Variants in MYO18B observed in about 807,000 individuals in gnomAD.
MYO18B encodes the protein unconventional myosin-XVIIIb.
A neutral mutation model predicts 273.0 loss-of-function variants in MYO18B; 204 were observed. The observed-to-expected ratio is 0.75, with a 90% CI of 0.67 to 0.84. MYO18B has a LOEUF of 0.84. MYO18B is among the 40% of genes least tolerant of loss of function. The pLI, the probability that MYO18B is intolerant of heterozygous loss-of-function variation, is 0.00. For missense variants in MYO18B, 3,212 were observed against 3,287.6 expected (o/e 0.98, Z 0.56); for synonymous variants, 1,330 against 1,305.7 (o/e 1.02, Z -0.40).
At chr22:26,035,616 G>T (rs971859798), downstream of MYO18B, among the ~76,000 whole-genome samples, 3 of 152,216 alleles carry the variant, frequency 2.0e-5, no homozygotes, top group Non-Finnish European at 2.9e-5. Flanking sequence ...AACTCCAGGG[G>T]TTTGACCTAG....
intron 15 of MYO18B, among the ~76,000 whole-genome samples, chr22:25,830,166 G>T (rs77822208): frequency 0.03 from 4,635 of 152,214 alleles, 113 homozygotes; most frequent in Middle Eastern, 0.11. Flanking sequence ...CAACATAAAT[G>T]AATCTCAAAC....
intron 34 of MYO18B, among the ~76,000 whole-genome samples, chr22:25,945,703 T>TCCC (rs200665457): frequency 1.3e-3 from 42 of 33,094 alleles, no homozygotes; most frequent in African/African-American, 3.8e-3. Context: ...TCGCCTCCCC[T>TCCC]CTCCCCTCGC....
intron 17 of MYO18B, among the ~76,000 whole-genome samples, chr22:25,841,224 C>T (rs1343048593): frequency 6.6e-6 from 1 of 152,170 alleles, no homozygotes; most frequent in Non-Finnish European, 1.5e-5. Context: ...GGGGCCCTCT[C>T]TGGGGGGTTC....
At chr22:25,812,893 A>C (rs1388116565) in intron 12 of MYO18B, among the ~76,000 whole-genome samples, 1 of 152,138 alleles carries the variant, frequency 6.6e-6, no homozygotes, top group Non-Finnish European at 1.5e-5. Context: ...GACTCGAATC[A>C]TGGTCACCTG....
intron 27 of MYO18B, 120 bp from the exon 28 acceptor site, chr22:25,895,036 G>A (rs2091763229): frequency 1.6e-6 from 2 of 1,219,462 alleles, no homozygotes; most frequent in South Asian, 3.1e-5. Context: ...GAGGCTCAAG[G>A]GCTCTGTGAA....
intron 2 of MYO18B, among the ~76,000 whole-genome samples, chr22:25,762,877 ACCT>A (rs1447924648): frequency 1.3e-5 from 2 of 152,202 alleles, no homozygotes; most frequent in African/African-American, 4.8e-5. Context: ...AAACTGGGAA[ACCT>A]CCTTTCAGAG....
chr22:25,774,314 G>A (rs770128133), intron 7 of MYO18B, among the ~76,000 whole-genome samples: 13 of 152,180 alleles, frequency 8.5e-5, no homozygotes, highest in African/African-American at 2.9e-4. Flanking sequence ...AGCTTGGCAC[G>A]TGCCCTCTCC....
intron 11 of MYO18B, among the ~76,000 whole-genome samples, chr22:25,795,976 G>A (rs1249733676): frequency 6.6e-6 from 1 of 152,180 alleles, no homozygotes; most frequent in African/African-American, 2.4e-5. Flanking sequence ...TCTGGGCACT[G>A]GTTGCTGCAA....
At chr22:25,884,276 T>C (rs1433539696) in intron 25 of MYO18B, among the ~76,000 whole-genome samples, 1 of 152,184 alleles carries the variant, frequency 6.6e-6, no homozygotes, top group Non-Finnish European at 1.5e-5. Flanking sequence ...GGAAAGTGAC[T>C]TGTTGGGGTC....
chr22:25,790,102 G>A (rs1297861364), intron 11 of MYO18B, among the ~76,000 whole-genome samples: 1 of 152,158 alleles, frequency 6.6e-6, no homozygotes, highest in African/African-American at 2.4e-5. Context: ...GCAGTGAGCC[G>A]AGATTGCGCC....
intron 21 of MYO18B, among the ~76,000 whole-genome samples, chr22:25,865,166 G>C (rs139498966): frequency 7.9e-5 from 12 of 152,354 alleles, no homozygotes; most frequent in South Asian, 2.1e-4. Context: ...CTGAATTGCT[G>C]TATGGTCCAG....
chr22:26,021,365 C>T (rs1172558360), intron 42 of MYO18B, among the ~76,000 whole-genome samples: 1 of 152,192 alleles, frequency 6.6e-6, no homozygotes, highest in Admixed American at 6.5e-5. Flanking sequence ...GTGACAAGCA[C>T]TGGAGCATGA....
chr22:25,983,816 C>G (rs7364135), intron 39 of MYO18B, among the ~76,000 whole-genome samples: 2,742 of 152,330 alleles, frequency 0.018, 87 homozygotes, highest in African/African-American at 0.063. Flanking sequence ...CCCATTTCCT[C>G]TGGGCAGCGC....
intron 39 of MYO18B, among the ~76,000 whole-genome samples, chr22:25,991,466 C>T (rs925224993): frequency 3.3e-5 from 5 of 152,310 alleles, no homozygotes; most frequent in African/African-American, 1.2e-4. Context: ...GACCAAATGT[C>T]CCCTGGGGGG....
chr22:25,826,577 A>G (rs572235767), intron 14 of MYO18B, 78 bp downstream of exon 14: 1 of 1,326,272 alleles, frequency 7.5e-7, no homozygotes, highest in East Asian at 2.3e-5. Context: ...GCAGTTGAAC[A>G]AAGTGGCAGT....
intron 16 of MYO18B, among the ~76,000 whole-genome samples, chr22:25,834,437 G>A (rs765077324): frequency 1.8e-4 from 27 of 152,162 alleles, no homozygotes; most frequent in Admixed American, 5.2e-4. Context: ...CTGTCCATCC[G>A]GGAGACCCTG....
the MYO18B span, among the ~76,000 whole-genome samples, chr22:26,052,204 G>A: frequency 1.3e-5 from 2 of 152,178 alleles, no homozygotes; most frequent in African/African-American, 2.4e-5. Context: ...TCTGTTGTTG[G>A]CTGTTTTGTG....
chr22:25,974,894 C>CG (rs1569254021), intron 39 of MYO18B, among the ~76,000 whole-genome samples: 1 of 152,068 alleles, frequency 6.6e-6, no homozygotes, highest in South Asian at 2.1e-4. Context: ...AGAGGGAATG[C>CG]GGGGGAAGAA....
the MYO18B span, among the ~76,000 whole-genome samples, chr22:26,054,049 A>T: frequency 6.6e-6 from 1 of 152,164 alleles, no homozygotes; most frequent in Non-Finnish European, 1.5e-5. Flanking sequence ...GGGCTATGAA[A>T]GGACCTAGAA....
Sources: gnomAD v4.1 joint callset for allele counts (sites outside exome capture counted in the v4.1 genomes callset) on GRCh38, gnomAD v4.1.1 for gene constraint, MANE v1.5 for transcripts, NCBI Gene and HGNC (gene_info 2026-07-23, HGNC 2026-07-21) for gene names.